Variants in UBE2L5 observed in about 807,000 individuals in gnomAD.
UBE2L5 encodes the protein ubiquitin conjugating enzyme E2 L5.
A neutral mutation model predicts 10.0 loss-of-function variants in UBE2L5; 3 were observed. The observed-to-expected ratio is 0.30, with a 90% CI of 0.14 to 0.78. UBE2L5 has a LOEUF of 0.78. Ranked by LOEUF, UBE2L5 falls within the 30% of genes least tolerant of loss-of-function variation. The pLI is 0.65. For synonymous variants in UBE2L5, 60 were observed against 71.9 expected (o/e 0.83, Z 0.83); for missense variants, 131 against 193.3 (o/e 0.68, Z 1.91).
rs1885575532 is a variant in UBE2L5 at position 30,428,640 on chromosome 13, TA to T, written c.*190del. ...TCTAGGTAACCTGTAAAGAAAGGATTAAAAATTTAAGATGTTCTTAAAAAAA... is the reference window on the plus strand; with the variant it reads ...TCTAGGTAACCTGTAAAGAAAGGATTAAAATTTAAGATGTTCTTAAAAAAA... On this transcript the variant is annotated 3_prime_UTR_variant, in exon 4 of 4. Transcript: ENST00000635918. The T allele has an allele frequency of 8.3e-6, 5 of 600,266 alleles. No homozygotes were observed. The South Asian group carries it at 1.5e-4, about 18-fold the overall frequency. The allele number at this position is 600,266 out of a possible 1,614,324, so 37.2% of individuals were successfully genotyped here. A position where few individuals can be genotyped will look rare whatever the true frequency, so the allele number is the denominator to read the frequency against.
chr13:30,428,688 C>T lies in UBE2L5; in HGVS notation c.*233C>T, dbSNP rs148516058. On this transcript the variant is annotated 3_prime_UTR_variant, in exon 4 of 4. Transcript: ENST00000635918. ...AAAAAAAAAAGTGGCCATTAATAGACGGAACTATACACTGGACTAGTTGTT... is the reference window on the plus strand; with the variant it reads ...AAAAAAAAAAGTGGCCATTAATAGATGGAACTATACACTGGACTAGTTGTT... The T allele has an allele frequency of 1.6e-4, 78 of 498,552 alleles. 1 individual carries two copies. The highest frequency in any genetic ancestry group is 1.4e-3 in the African/African-American group (70 of 49,136). The allele number at this position is 498,552 out of a possible 1,614,324, so 30.9% of individuals were successfully genotyped here.
intron 1 of UBE2L5, among the ~76,000 whole-genome samples, chr13:30,423,293 G>A (rs561270369): frequency 1.3e-5 from 2 of 152,248 alleles, no homozygotes; most frequent in East Asian, 3.9e-4. Context: ...TTCTTCCCCC[G>A]GAGAGTTTAC....
rs536935123 is a variant in UBE2L5 at position 30,422,912 on chromosome 13, A to G, written c.-779+235A>G. On this transcript the variant is annotated intron_variant, in intron 1 of 3. Transcript: ENST00000635918. ...AAATAGATAAGAAAATCTCTTCTAA[A>G]GCGGTGCCAATATCGGGAAAATGGT... Among the ~76,000 whole-genome samples, 125 of 152,356 alleles carry G rather than the reference A, an allele frequency of 8.2e-4. 1 individual carries two copies. Among genetic ancestry groups the G allele is most frequent in the African/African-American group, 2.9e-3 (121 of 41,582 alleles).
chr13:30,425,264 C>T (rs1021322777), intron 2 of UBE2L5, among the ~76,000 whole-genome samples: 1 of 152,196 alleles, frequency 6.6e-6, no homozygotes, highest in African/African-American at 2.4e-5. Context: ...CTGGTTGATT[C>T]CCTGGCTGGT....
intron 2 of UBE2L5, among the ~76,000 whole-genome samples, chr13:30,426,322 A>G (rs1180196771): frequency 6.6e-6 from 1 of 152,162 alleles, no homozygotes; most frequent in African/African-American, 2.4e-5. Context: ...AAAAAAAACA[A>G]AAAAGAAAAA....
chr13:30,423,655 A>G (rs1373474881), intron 1 of UBE2L5, among the ~76,000 whole-genome samples: 2 of 152,234 alleles, frequency 1.3e-5, no homozygotes, highest in African/African-American at 4.8e-5. Flanking sequence ...GCCAGTGCTC[A>G]TTAAAGATCA....
Position 30,429,165 on chromosome 13 carries a change from A to C in UBE2L5, c.*710A>C, listed in dbSNP as rs1020133875. Among the ~76,000 whole-genome samples the C allele has an allele frequency of 6.6e-6, 1 of 152,056 alleles. No homozygotes were observed. The highest frequency in any genetic ancestry group is 2.4e-5 in the African/African-American group (1 of 41,398). ...CCGGGCGTGGTGGCAGACTCCTGTA[A>C]TCCCAGCTACTCAGGAGGCTGAGGC... On this transcript the variant is annotated 3_prime_UTR_variant, in exon 4 of 4. Coordinates refer to ENST00000635918, the MANE Select transcript of UBE2L5 (RefSeq NM_001355247.2).
chr13:30,424,254 A>G (rs1329981178), intron 1 of UBE2L5, among the ~76,000 whole-genome samples: 1 of 152,178 alleles, frequency 6.6e-6, no homozygotes, highest in African/African-American at 2.4e-5. Flanking sequence ...TGAATTTTCT[A>G]AAAATTAGTC....
chr13:30,425,739 T>C (rs1448982352), intron 2 of UBE2L5, among the ~76,000 whole-genome samples: 1 of 152,070 alleles, frequency 6.6e-6, no homozygotes, highest in African/African-American at 2.4e-5. Flanking sequence ...CAAATATTTA[T>C]AGGCCGGGCG....
chr13:30,425,621 G>C (rs182553857), intron 2 of UBE2L5, among the ~76,000 whole-genome samples: 2 of 152,348 alleles, frequency 1.3e-5, no homozygotes, highest in East Asian at 3.9e-4. Context: ...TGCATTACAT[G>C]CAGACACTTA....
At position 30,428,241 on chromosome 13, in the gene UBE2L5, A is replaced by G; in HGVS notation, c.251A>G (p.Gln84Arg). 1.2e-6 allele frequency: 2 copies of G among 1,609,458 alleles called. No individual in the cohort carries two copies. Among genetic ancestry groups the G allele is most frequent in the South Asian group, 2.2e-5 (2 of 90,764 alleles). The change falls in exon 4 of 4, where the codon CAG becomes CGG. Residue 84 changes from glutamine to arginine, a missense_variant. Coordinates refer to ENST00000635918, the MANE Select transcript of UBE2L5 (RefSeq NM_001355247.2). The part of the protein sequence containing the change: ...IYHPNIDEKG[Q>R]VCLPVISAEN... ...CACCCGAACATCGACGAAAAGGGGC[A>G]GGTCTGTCTGCCAGTAATTAGTGCT...
chr13:30,422,854 C>G (rs1885483635), intron 1 of UBE2L5, among the ~76,000 whole-genome samples, 177 bp downstream of exon 1: 1 of 152,144 alleles, frequency 6.6e-6, no homozygotes, highest in Middle Eastern at 3.2e-3. Context: ...AATTAGGACA[C>G]AGAGGGAGAG....
At chr13:30,425,645 T>C (rs773047197) in intron 2 of UBE2L5, among the ~76,000 whole-genome samples, 10 of 152,284 alleles carry the variant, frequency 6.6e-5, no homozygotes, top group Non-Finnish European at 1.0e-4. Context: ...TAGTACCGTT[T>C]AGGTGTTCAT....
At chr13:30,424,380 T>C (rs1158032497) in intron 1 of UBE2L5, among the ~76,000 whole-genome samples, 1 of 152,172 alleles carries the variant, frequency 6.6e-6, no homozygotes, top group East Asian at 1.9e-4. Context: ...ACCTCAAATC[T>C]CAATTTCTGG....
intron 1 of UBE2L5, among the ~76,000 whole-genome samples, chr13:30,423,057 TTTG>T (rs1484601481): frequency 2.6e-5 from 4 of 152,196 alleles, no homozygotes; most frequent in Non-Finnish European, 5.9e-5. Context: ...CAAAACTCAG[TTTG>T]TTGTTCTAAA....
At chr13:30,424,395 T>C (rs1328833085) in intron 1 of UBE2L5, among the ~76,000 whole-genome samples, 1 of 152,180 alleles carries the variant, frequency 6.6e-6, no homozygotes, top group African/African-American at 2.4e-5. Context: ...TTCTGGAGAT[T>C]CCTTTAGGCA....
At chr13:30,426,149 A>G (rs1885535684) in intron 2 of UBE2L5, among the ~76,000 whole-genome samples, 3 of 151,602 alleles carry the variant, frequency 2.0e-5, no homozygotes, top group Admixed American at 6.6e-5. Context: ...CATCTCTACT[A>G]AAAATACAAA....
Position 30,427,855 on chromosome 13 carries a change from C to T in UBE2L5, c.-136C>T, listed in dbSNP as rs1034168990. 1 of 709,014 alleles carries T rather than the reference C, an allele frequency of 1.4e-6. No homozygotes were observed. The highest frequency in any genetic ancestry group is 2.6e-6 in the Non-Finnish European group (1 of 388,068). The allele number at this position is 709,014 out of a possible 1,614,324, so 43.9% of individuals were successfully genotyped here. A position where few individuals can be genotyped will look rare whatever the true frequency, so the allele number is the denominator to read the frequency against. ...GATTGTGGATGATCACTCTAACCAA[C>T]CAGTGGGCAAGTTGCTTTGCTCAGC... On this transcript the variant is annotated 5_prime_UTR_variant, in exon 4 of 4. Coordinates refer to ENST00000635918, the MANE Select transcript of UBE2L5 (RefSeq NM_001355247.2).
chr13:30,428,139 C>G lies in UBE2L5; in HGVS notation c.149C>G (p.Ala50Gly). The change falls in exon 4 of 4, where the codon GCC (alanine) becomes GGC (glycine). Residue 50 changes from alanine to glycine, a missense_variant. Physicochemically the swap from Ala to Gly is moderately conservative, Grantham distance 60. Transcript: ENST00000635918. ...VPDNPPYNKGAFRIEINFPAE... is the reference protein window; with the variant it reads ...VPDNPPYNKGGFRIEINFPAE... Reference sequence around the variant, plus strand: ...GACAACCCTCCGTATAATAAGGGGGCCTTCAGAATCGAAATCAACTTTCCA... The same window carrying G: ...GACAACCCTCCGTATAATAAGGGGGGCTTCAGAATCGAAATCAACTTTCCA... The G allele has an allele frequency of 1.9e-6, 3 of 1,607,010 alleles. No individual in the cohort carries two copies. The South Asian group carries it at 3.3e-5, about 18-fold the overall frequency.
Sources: allele counts gnomAD v4.1 joint callset (sites outside exome capture counted in the v4.1 genomes callset), GRCh38; gene constraint gnomAD v4.1.1; transcripts MANE v1.5; gene names NCBI Gene and HGNC (gene_info 2026-07-23, HGNC 2026-07-21).